Variants in BICD1 observed in about 807,000 individuals in gnomAD.
BICD1 encodes BICD cargo adaptor 1.
Under a neutral mutation model 92.5 loss-of-function variants are expected in BICD1, and 35 were observed. The observed-to-expected ratio is 0.38, with a 90% CI of 0.29 to 0.50. BICD1 has a LOEUF of 0.50. Among genes scored for constraint, BICD1 ranks in the 20% least tolerant of loss-of-function variants. The pLI is 0.93. For synonymous variants in BICD1, 429 were observed against 465.1 expected (o/e 0.92, Z 1.00); for missense variants, 950 against 1,189.8 (o/e 0.80, Z 2.97).
intron 1 of BICD1, among the ~76,000 whole-genome samples, chr12:32,139,678 C>T (rs183747738): frequency 6.6e-6 from 1 of 152,270 alleles, no homozygotes; most frequent in African/African-American, 2.4e-5. Context: ...TTCCTCGTGC[C>T]TTAGCCTCCC....
chr12:32,212,468 A>G (rs559661788), intron 1 of BICD1, among the ~76,000 whole-genome samples: 2 of 152,304 alleles, frequency 1.3e-5, no homozygotes, highest in South Asian at 4.1e-4. Flanking sequence ...TTTGTTGCCC[A>G]GGCTGGAGTG....
At chr12:32,257,948 CGTTTCA>C (rs1448530583) in intron 2 of BICD1, among the ~76,000 whole-genome samples, 1 of 152,134 alleles carries the variant, frequency 6.6e-6, no homozygotes, top group East Asian at 1.9e-4. Context: ...TGTCATTTGA[CGTTTCA>C]GTTTCAGATA....
chr12:32,183,855 C>T (rs1357315852), intron 1 of BICD1, among the ~76,000 whole-genome samples: 1 of 152,130 alleles, frequency 6.6e-6, no homozygotes. Flanking sequence ...GGGATTGAGG[C>T]CCTTTGTTTT....
chr12:32,130,876 C>G (rs527563412), intron 1 of BICD1, among the ~76,000 whole-genome samples: 1 of 152,030 alleles, frequency 6.6e-6, no homozygotes. Context: ...CTATTTCTGT[C>G]GCCCAGGTTG....
rs938578911 is a variant in BICD1 at position 32,353,346 on chromosome 12, T to C, written c.2765-14324T>C. ...AGTTATACTTACGGTTTAATTTGCT[T>C]GTGAAGACAAGGCATTTTCAAACAC... On this transcript the variant is annotated intron_variant, in intron 8 of 9. Coordinates refer to ENST00000652176, the MANE Select transcript of BICD1 (RefSeq NM_001714.4). 2.6e-5 allele frequency: 4 copies of C among 152,346 alleles called. 1 individual carries two copies. The South Asian group carries it at 8.3e-4, about 32-fold the overall frequency. The allele number at this position is 152,346 out of a possible 1,614,324, so 9.4% of individuals were successfully genotyped here.
chr12:32,346,596 ATATATATATATATATACGTG>A (rs1287148253), intron 8 of BICD1, among the ~76,000 whole-genome samples: 318 of 17,956 alleles, frequency 0.018, 54 homozygotes, highest in African/African-American at 0.025. Context: ...GTATATATAT[ATATATATATATATATACGTG>A]TATATATATA....
chr12:32,372,672 A>G (rs1390580761), intron 9 of BICD1, among the ~76,000 whole-genome samples: 1 of 152,088 alleles, frequency 6.6e-6, no homozygotes, highest in African/African-American at 2.4e-5. Flanking sequence ...TGAGCCCAGG[A>G]TTTCTAGATC....
intron 1 of BICD1, among the ~76,000 whole-genome samples, chr12:32,185,946 G>A (rs1195897709): frequency 6.7e-6 from 1 of 149,796 alleles, no homozygotes; most frequent in Non-Finnish European, 1.5e-5. Flanking sequence ...ACTAAACACC[G>A]CCAGTTGATT....
At chr12:32,176,061 T>G (rs1944080935) in intron 1 of BICD1, among the ~76,000 whole-genome samples, 1 of 152,238 alleles carries the variant, frequency 6.6e-6, no homozygotes, top group Non-Finnish European at 1.5e-5. Context: ...TGTGTCAGTA[T>G]TCTCTTCCTC....
chr12:32,302,087 T>C lies in BICD1; in HGVS notation c.580-3610T>C, dbSNP rs1049562140. Among the ~76,000 whole-genome samples, 9 of 152,122 alleles carry C rather than the reference T, an allele frequency of 5.9e-5. No individual in the cohort carries two copies. In the East Asian group the frequency reaches 9.7e-4, roughly 16 times the overall value. On this transcript the variant is annotated intron_variant, in intron 3 of 9. Coordinates refer to ENST00000652176, the MANE Select transcript of BICD1 (RefSeq NM_001714.4). The stretch of plus-strand genomic sequence containing the variant: ...ATTTTTAGTAGAGACGGGGTTTCAC[T>C]GTGTTAGCTAGGATGGTCTTGATCT...
At chr12:32,194,383 A>T (rs1289507376) in intron 1 of BICD1, among the ~76,000 whole-genome samples, 1 of 152,184 alleles carries the variant, frequency 6.6e-6, no homozygotes, top group East Asian at 1.9e-4. Context: ...AACAAAAGAC[A>T]TCCAAATTAG....
intron 3 of BICD1, among the ~76,000 whole-genome samples, chr12:32,305,171 A>G (rs1021378862): frequency 6.6e-6 from 1 of 152,230 alleles, no homozygotes; most frequent in Non-Finnish European, 1.5e-5. Flanking sequence ...CAAACATTTT[A>G]CTGAGATTAT....
At chr12:32,194,910 G>T (rs527813389) in intron 1 of BICD1, among the ~76,000 whole-genome samples, 1 of 151,470 alleles carries the variant, frequency 6.6e-6, no homozygotes, top group Non-Finnish European at 1.5e-5. Context: ...AAAATAAAAT[G>T]AAATAAAATA....
intron 2 of BICD1, among the ~76,000 whole-genome samples, chr12:32,234,657 C>CT (rs796108601): frequency 1.4e-5 from 2 of 146,112 alleles, no homozygotes; most frequent in Admixed American, 6.8e-5. Flanking sequence ...CTAAACACCA[C>CT]TTTTTTTTTC....
chr12:32,241,501 T>A (rs1045377091), intron 2 of BICD1, among the ~76,000 whole-genome samples: 3 of 152,214 alleles, frequency 2.0e-5, no homozygotes, highest in African/African-American at 7.2e-5. Flanking sequence ...AGGCAGATAC[T>A]ACTTGGCTCT....
At chr12:32,109,357 GATAA>G (rs1313154013) in intron 1 of BICD1, 2 of 152,088 alleles carry the variant, frequency 1.3e-5, no homozygotes, top group African/African-American at 4.8e-5. Context: ...ATTAGTGTTA[GATAA>G]ATACTAAGAA....
intron 1 of BICD1, among the ~76,000 whole-genome samples, chr12:32,135,022 C>CCTCCTCTCCTCTCCT (rs149880101): frequency 0.14 from 18,695 of 135,128 alleles, 1,715 homozygotes; most frequent in Non-Finnish European, 0.18. Context: ...GTGAATGAGT[C>CCTCCTCTCCTCTCCT]CTCCTCTCCT....
At chr12:32,296,064 G>A (rs1362475242) in intron 3 of BICD1, among the ~76,000 whole-genome samples, 1 of 152,076 alleles carries the variant, frequency 6.6e-6, no homozygotes, top group Non-Finnish European at 1.5e-5. Context: ...GTATCCCCAT[G>A]TGTTTCTGCC....
intron 8 of BICD1, among the ~76,000 whole-genome samples, chr12:32,357,624 C>T (rs74537036): frequency 2.0e-3 from 312 of 152,206 alleles, no homozygotes; most frequent in East Asian, 0.019. Context: ...TCTGGAGGCC[C>T]GAAGTTCAAA....
Sources: gnomAD v4.1 joint callset for allele counts (sites outside exome capture counted in the v4.1 genomes callset) on GRCh38, gnomAD v4.1.1 for gene constraint, MANE v1.5 for transcripts, NCBI Gene and HGNC (gene_info 2026-07-23, HGNC 2026-07-21) for gene names.